PPP4R3A: variants seen among roughly 807,000 people sequenced by gnomAD.
The protein encoded by PPP4R3A is serine/threonine-protein phosphatase 4 regulatory subunit 3A.
A neutral mutation model predicts 91.7 loss-of-function variants in PPP4R3A; 15 were observed. The ratio of observed to expected loss-of-function variants is 0.16; its 90% CI spans 0.11 to 0.25. The LOEUF (loss-of-function observed/expected upper bound fraction) is 0.25. PPP4R3A is among the 10% of genes least tolerant of loss of function. The pLI is 1.00. For synonymous variants in PPP4R3A, 377 were observed against 348.7 expected, an observed-to-expected ratio of 1.08 and a Z score of -0.91; for missense variants, 623 against 998.4, an observed-to-expected ratio of 0.62 and a Z score of 5.07.
chr14:91,465,724 CAAAT>C (rs984311286), intron 10 of PPP4R3A, among the ~76,000 whole-genome samples: 12 of 152,122 alleles, frequency 7.9e-5, no homozygotes, highest in Non-Finnish European at 1.5e-4. Context: ...AGAGCTAAGA[CAAAT>C]GAATGAACCT....
chr14:91,504,043 T>C (rs1289112885), intron 1 of PPP4R3A, among the ~76,000 whole-genome samples: 3 of 151,776 alleles, frequency 2.0e-5, no homozygotes, highest in African/African-American at 7.3e-5. Flanking sequence ...TTCTGGGCAA[T>C]ACAGTGAGAA....
chr14:91,507,435 TTA>T lies in PPP4R3A; in HGVS notation c.142+2069_142+2070del, dbSNP rs1425332073. 1.0e-3 allele frequency among the ~76,000 whole-genome samples: 128 copies of T among 124,580 alleles called. 1 individual carries two copies. The highest frequency in any genetic ancestry group is 4.3e-3 in the African/African-American group (115 of 26,462). The allele number at this position is 124,580 out of a possible 152,430, so 81.7% of individuals were successfully genotyped here. ...ATACTATATAATATATATACTATAA[TTA>T]TATATACTATATAGTATATATACTA... On this transcript the variant is annotated intron_variant, in intron 1 of 14. Transcript: ENST00000554943.
intron 1 of PPP4R3A, among the ~76,000 whole-genome samples, chr14:91,491,693 C>T (rs1890242661): frequency 1.3e-5 from 2 of 152,176 alleles, no homozygotes; most frequent in African/African-American, 4.8e-5. Context: ...GCGTGAGCCA[C>T]CACGCCTGGC....
intron 1 of PPP4R3A, among the ~76,000 whole-genome samples, chr14:91,494,912 T>C (rs971331498): frequency 6.6e-6 from 1 of 152,038 alleles, no homozygotes; most frequent in South Asian, 2.1e-4. Context: ...TAGTACCCAC[T>C]AGAATGTCTA....
intron 1 of PPP4R3A, 137 bp downstream of exon 1, chr14:91,509,369 C>T: frequency 8.0e-7 from 1 of 1,244,126 alleles, no homozygotes. Flanking sequence ...ACCTGGGGCC[C>T]GTCCTCCCCC....
At chr14:91,501,730 A>G in intron 1 of PPP4R3A, among the ~76,000 whole-genome samples, 1 of 147,226 alleles carries the variant, frequency 6.8e-6, no homozygotes, top group Admixed American at 6.9e-5. Flanking sequence ...TTTGAGACGG[A>G]ATCTCGCTCT....
chr14:91,493,643 T>TAA (rs66479014), intron 1 of PPP4R3A, among the ~76,000 whole-genome samples: 7 of 150,238 alleles, frequency 4.7e-5, no homozygotes, highest in East Asian at 1.9e-4. Context: ...ATATAAAATT[T>TAA]AAAAAAGGTA....
intron 1 of PPP4R3A, among the ~76,000 whole-genome samples, chr14:91,498,397 A>C (rs966638540): frequency 6.6e-6 from 1 of 151,832 alleles, no homozygotes; most frequent in Admixed American, 6.6e-5. Flanking sequence ...ATTTTTTCTT[A>C]ATGATATTTT....
chr14:91,462,956 A>G lies in PPP4R3A; in HGVS notation c.1831-79T>C, dbSNP rs1267044191. On this transcript the variant is annotated intron_variant, in intron 11 of 14. Coordinates refer to ENST00000554943, the MANE Select transcript of PPP4R3A (RefSeq NM_001366432.2). The stretch of plus-strand genomic sequence containing the variant: ...ATGAGGCTTAATTTAATCAATTCAT[A>G]CCCACCAAAAATAGCTTAATTTAAT... 3.6e-6 allele frequency: 4 copies of G among 1,103,586 alleles called. No homozygotes were observed. The African/African-American group carries it at 6.3e-5, about 17-fold the overall frequency. 68.4% of individuals were successfully genotyped at this position (1,103,586 alleles called of 1,614,324 possible).
intron 10 of PPP4R3A, among the ~76,000 whole-genome samples, chr14:91,470,299 AC>A (rs2140086860): frequency 6.6e-6 from 1 of 152,344 alleles, no homozygotes; most frequent in South Asian, 2.1e-4. Flanking sequence ...GGTCTTAAGA[AC>A]ACTGTGAAAG....
chr14:91,497,685 T>C (rs766069316), intron 1 of PPP4R3A, among the ~76,000 whole-genome samples: 2 of 152,150 alleles, frequency 1.3e-5, no homozygotes, highest in African/African-American at 2.4e-5. Flanking sequence ...AGACTGAAAA[T>C]TGAATCATCT....
At chr14:91,476,020 A>C in intron 6 of PPP4R3A, 54 bp from the exon 7 acceptor site, 2 of 1,462,882 alleles carry the variant, frequency 1.4e-6, no homozygotes, top group Non-Finnish European at 1.8e-6. Flanking sequence ...CGGAACCTAT[A>C]GCTATGTAAA....
chr14:91,465,434 C>T lies in PPP4R3A; in HGVS notation c.1661-15G>A, dbSNP rs757184113. On this transcript the variant is annotated splice_polypyrimidine_tract_variant and intron_variant, in intron 10 of 14. Coordinates refer to ENST00000554943, the MANE Select transcript of PPP4R3A (RefSeq NM_001366432.2). ...ACGAAGGGCACCTGAAACACAGAGG[C>T]ATGGTTGTTTAAATCACATACCACT... The T allele has an allele frequency of 3.8e-6, 6 of 1,563,688 alleles. No individual in the cohort carries two copies. The highest frequency in any genetic ancestry group is 4.3e-6 in the Non-Finnish European group (5 of 1,160,664).
intron 1 of PPP4R3A, among the ~76,000 whole-genome samples, chr14:91,499,341 G>A (rs569272134): frequency 6.6e-6 from 1 of 152,094 alleles, no homozygotes; most frequent in African/African-American, 2.4e-5. Flanking sequence ...AAAAGTTCGA[G>A]GAATGCTACA....
intron 2 of PPP4R3A, among the ~76,000 whole-genome samples, chr14:91,487,714 T>G (rs1370021836): frequency 6.3e-4 from 25 of 39,526 alleles, no homozygotes; most frequent in South Asian, 1.5e-3. Context: ...GACACTTCTG[T>G]TTTTTTTTGT....
chr14:91,461,211 A>C (rs189283395), intron 14 of PPP4R3A, among the ~76,000 whole-genome samples, 170 bp downstream of exon 14: 13 of 152,318 alleles, frequency 8.5e-5, no homozygotes. Context: ...AAACTTTCAG[A>C]AATTTCTCAA....
At chr14:91,498,218 C>T (rs141112922) in intron 1 of PPP4R3A, among the ~76,000 whole-genome samples, 370 of 151,996 alleles carry the variant, frequency 2.4e-3, no homozygotes, top group Admixed American at 5.5e-3. Context: ...GCCTGTAATT[C>T]CAGCTACTAG....
chr14:91,507,620 A>C (rs1891483784), intron 1 of PPP4R3A, among the ~76,000 whole-genome samples: 3 of 40,604 alleles, frequency 7.4e-5, no homozygotes, highest in Non-Finnish European at 1.4e-4. Flanking sequence ...AGTTATATAT[A>C]CTATTATATA....
chr14:91,473,377 A>G lies in PPP4R3A; in HGVS notation c.1267-7T>C, dbSNP rs1595059569. 2.5e-6 allele frequency: 4 copies of G among 1,605,322 alleles called. No individual in the cohort carries two copies. The East Asian group carries it at 6.7e-5, about 27-fold the overall frequency. ...GGTTGATGAGCAAAATATCCTGGAGAGAAAAATAGACATACTCAGGATCAC... is the reference window on the plus strand; with the variant it reads ...GGTTGATGAGCAAAATATCCTGGAGGGAAAAATAGACATACTCAGGATCAC... On this transcript the variant is annotated splice_region_variant and splice_polypyrimidine_tract_variant and intron_variant, in intron 7 of 14. Coordinates refer to ENST00000554943, the MANE Select transcript of PPP4R3A (RefSeq NM_001366432.2).
Sources: gnomAD v4.1 joint callset for allele counts (sites outside exome capture counted in the v4.1 genomes callset) on GRCh38, gnomAD v4.1.1 for gene constraint, MANE v1.5 for transcripts, NCBI Gene and HGNC (gene_info 2026-07-23, HGNC 2026-07-21) for gene names.